The following ADGRB3 variants were observed in gnomAD, a reference collection of about 807,000 sequenced individuals.
The protein encoded by ADGRB3 is brain-specific angiogenesis inhibitor 3.
Under a neutral mutation model 193.4 loss-of-function variants are expected in ADGRB3, and 37 were observed. That is an observed-to-expected ratio of 0.19 (90% confidence interval 0.15 to 0.25). The LOEUF is 0.25. Among genes scored for constraint, ADGRB3 ranks in the 10% least tolerant of loss-of-function variants. The pLI is 1.00. For synonymous variants in ADGRB3, 690 were observed against 644.2 expected (o/e 1.07, Z -1.08); for missense variants, 1,637 against 1,852.9 (o/e 0.88, Z 2.14).
Position 69,382,931 on chromosome 6 carries a change from G to T in ADGRB3, c.4376G>T (p.Ser1459Ile). Residue 1459 changes from serine (S) to isoleucine (I), a missense_variant, in exon 31 of 32, where the codon AGT (serine) becomes ATT (isoleucine). By Grantham distance (142) the Ser-to-Ile change is moderately radical. Transcript: ENST00000370598. Reference protein sequence around the residue: ...DRFRDIPNTSSMENPAPNKNP... With the variant: ...DRFRDIPNTSIMENPAPNKNP... Reference sequence around the variant, plus strand: ...TTTCGGGATATACCAAATACAAGCAGTATGGTAAGTATGCTTTGCTTCAAT... The same window carrying T: ...TTTCGGGATATACCAAATACAAGCATTATGGTAAGTATGCTTTGCTTCAAT... 6.3e-7 allele frequency: 1 copy of T among 1,587,520 alleles called. No individual in the cohort carries two copies. Among genetic ancestry groups the T allele is most frequent in the South Asian group, 1.1e-5 (1 of 89,706 alleles).
At chr6:69,301,833 CT>C (rs1489875614) in intron 20 of ADGRB3, among the ~76,000 whole-genome samples, 2 of 151,828 alleles carry the variant, frequency 1.3e-5, no homozygotes, top group Non-Finnish European at 2.9e-5. Flanking sequence ...GAAAATTCAG[CT>C]TTTATGTAGA....
intron 17 of ADGRB3, among the ~76,000 whole-genome samples, chr6:69,153,408 A>G (rs1003206700): frequency 6.6e-6 from 1 of 152,202 alleles, no homozygotes; most frequent in Non-Finnish European, 1.5e-5. Context: ...AGGATAAAAG[A>G]GGTTTGGGGA....
intron 6 of ADGRB3, among the ~76,000 whole-genome samples, chr6:68,953,367 C>T (rs1767984766): frequency 6.6e-6 from 1 of 152,110 alleles, no homozygotes; most frequent in African/African-American, 2.4e-5. Context: ...TGAATGTTCT[C>T]AATAATGTGG....
rs577045477 is a variant in ADGRB3, at chr6:69,108,525, C to T, written c.2480+32487C>T. 3.9e-5 allele frequency among the ~76,000 whole-genome samples: 6 copies of T among 152,000 alleles called. No individual in the cohort carries two copies. The East Asian group carries it at 7.7e-4, about 20-fold the overall frequency. On this transcript the variant is annotated intron_variant, in intron 17 of 31. Coordinates refer to ENST00000370598, the MANE Select transcript of ADGRB3 (RefSeq NM_001704.3). Reference sequence around the variant, plus strand: ...GCTTGCAATGCAGGAGTGAGAAAGGCATACACTAAACACCTTATTTTGTGT... The same window carrying T: ...GCTTGCAATGCAGGAGTGAGAAAGGTATACACTAAACACCTTATTTTGTGT...
Position 68,661,529 on chromosome 6 carries a change from A to ATG in ADGRB3, c.757+22101_757+22102dup, listed in dbSNP as rs1269931376. Among the ~76,000 whole-genome samples the ATG allele has an allele frequency of 6.6e-4, 24 of 36,244 alleles. 2 individuals are homozygous for ATG. Among genetic ancestry groups the ATG allele is most frequent in the African/African-American group, 1.6e-3 (16 of 9,812 alleles). 23.8% of individuals were successfully genotyped at this position (36,244 alleles called of 152,430 possible). A position where few individuals can be genotyped will look rare whatever the true frequency, so the allele number is the denominator to read the frequency against. ...TATATATGTGTGTATACATATATAT[A>ATG]TGTGTATACATATATATATATATAT... On this transcript the variant is annotated intron_variant, in intron 3 of 31. Transcript: ENST00000370598.
At chr6:69,188,416 C>A (rs1765112168) in intron 17 of ADGRB3, among the ~76,000 whole-genome samples, 2 of 152,238 alleles carry the variant, frequency 1.3e-5, no homozygotes, top group South Asian at 2.1e-4. Flanking sequence ...TCAAGCGATT[C>A]TCTTGCCTCA....
chr6:68,886,791 T>C (rs1230096586), intron 3 of ADGRB3, among the ~76,000 whole-genome samples: 1 of 152,044 alleles, frequency 6.6e-6, no homozygotes, highest in Non-Finnish European at 1.5e-5. Flanking sequence ...ACTTTTGTTA[T>C]GGAAATGAGA....
In ADGRB3 at chr6:68,648,222, CTG is replaced by C. The variant is rs779487531; in HGVS notation, c.757+8791_757+8792del. Among the ~76,000 whole-genome samples the C allele has an allele frequency of 3.9e-5, 6 of 152,228 alleles. No homozygotes were observed. The East Asian group carries it at 9.7e-4, about 24-fold the overall frequency. Reference sequence around the variant, plus strand: ...ATGTAGCTGATTAACTCAAAATTAACTGAATGAATAGGAGCCTTCCTGAAATT... The same window carrying C: ...ATGTAGCTGATTAACTCAAAATTAACAATGAATAGGAGCCTTCCTGAAATT... On this transcript the variant is annotated intron_variant, in intron 3 of 31. Coordinates refer to ENST00000370598, the MANE Select transcript of ADGRB3 (RefSeq NM_001704.3).
chr6:68,877,236 C>A (rs781654637), intron 3 of ADGRB3, among the ~76,000 whole-genome samples: 1 of 151,392 alleles, frequency 6.6e-6, no homozygotes, highest in Non-Finnish European at 1.5e-5. Context: ...AAATAATCTA[C>A]GTACTTTTTT....
intron 17 of ADGRB3, among the ~76,000 whole-genome samples, chr6:69,138,181 GA>G (rs1319703066): frequency 1.3e-5 from 2 of 152,120 alleles, no homozygotes; most frequent in African/African-American, 4.8e-5. Context: ...GTGTTCCCAG[GA>G]AGAAGAAAAA....
chr6:69,339,093 T>G (rs1338713115), intron 25 of ADGRB3, 79 bp downstream of exon 25: 20 of 1,496,630 alleles, frequency 1.3e-5, no homozygotes, highest in Non-Finnish European at 1.9e-5. Flanking sequence ...GAAAAAAAAT[T>G]GTGTTTTCTA....
At chr6:69,090,198 T>G (rs1243385090) in intron 17 of ADGRB3, among the ~76,000 whole-genome samples, 1 of 152,172 alleles carries the variant, frequency 6.6e-6, no homozygotes, top group African/African-American at 2.4e-5. Context: ...TTACATGTAT[T>G]TCAGTTATGT....
chr6:69,063,085 A>G (rs771092577), intron 16 of ADGRB3, 49 bp downstream of exon 16: 5 of 1,382,274 alleles, frequency 3.6e-6, no homozygotes, highest in Admixed American at 1.7e-5. Context: ...TTACCTTTCT[A>G]ACAGTCATTC....
intron 3 of ADGRB3, among the ~76,000 whole-genome samples, chr6:68,924,719 C>T (rs776455381): frequency 2.0e-5 from 3 of 151,872 alleles, no homozygotes; most frequent in African/African-American, 4.8e-5. Flanking sequence ...CGAAGTATTT[C>T]GGAAAGCAAG....
At chr6:69,198,700 G>T (rs927730913) in intron 17 of ADGRB3, among the ~76,000 whole-genome samples, 11 of 152,024 alleles carry the variant, frequency 7.2e-5, no homozygotes, top group Non-Finnish European at 1.5e-4. Flanking sequence ...AGTAACAGGG[G>T]CCAAATCATG....
chr6:68,945,804 G>T (rs1419195268), intron 6 of ADGRB3, among the ~76,000 whole-genome samples: 3 of 152,116 alleles, frequency 2.0e-5, no homozygotes, highest in Non-Finnish European at 1.5e-5. Flanking sequence ...CTATGTTACA[G>T]TTCAGATGTG....
intron 17 of ADGRB3, among the ~76,000 whole-genome samples, chr6:69,165,192 A>G (rs1339907229): frequency 6.6e-6 from 1 of 152,038 alleles, no homozygotes; most frequent in Non-Finnish European, 1.5e-5. Context: ...CCTTTTGAAA[A>G]TCTATTAAAA....
At chr6:69,158,379 T>G (rs1774901269) in intron 17 of ADGRB3, among the ~76,000 whole-genome samples, 1 of 150,278 alleles carries the variant, frequency 6.7e-6, no homozygotes, top group Non-Finnish European at 1.5e-5. Context: ...AAACTTAGAT[T>G]GAAAAACACA....
At chr6:69,282,638 A>G (rs1418441809) in intron 20 of ADGRB3, among the ~76,000 whole-genome samples, 2 of 152,308 alleles carry the variant, frequency 1.3e-5, no homozygotes. Context: ...ATGTAAAATG[A>G]TTAATAATGA....
Sources: gnomAD v4.1 joint callset for allele counts (sites outside exome capture counted in the v4.1 genomes callset) on GRCh38, gnomAD v4.1.1 for gene constraint, MANE v1.5 for transcripts, NCBI Gene and HGNC (gene_info 2026-07-23, HGNC 2026-07-21) for gene names.